The following PSMD13 variants were observed in gnomAD, a reference collection of about 807,000 sequenced individuals.
PSMD13 encodes the protein 26S proteasome non-ATPase regulatory subunit 13.
Under a neutral mutation model 57.4 loss-of-function variants are expected in PSMD13, and 8 were observed. That is an observed-to-expected ratio of 0.14 (90% CI 0.08 to 0.25). The LOEUF is 0.25. Ranked by LOEUF, PSMD13 falls within the 10% of genes least tolerant of loss-of-function variation. The probability of loss-of-function intolerance (pLI) is 1.00; values close to 1 mark genes in which losing one functional copy is unlikely to be tolerated. For missense variants in PSMD13, 400 were observed against 461.5 expected (o/e 0.87, Z 1.22); for synonymous variants, 193 against 168.2 (o/e 1.15, Z -1.14).
chr11:250,038 A>G (rs1161847244), intron 9 of PSMD13, among the ~76,000 whole-genome samples: 1 of 121,108 alleles, frequency 8.3e-6, no homozygotes, highest in African/African-American at 3.4e-5. Flanking sequence ...CAATTTAAAG[A>G]AAAAAAAAAA....
At chr11:244,112 A>G (rs1859581133) in intron 3 of PSMD13, 37 bp downstream of exon 3, 1 of 1,606,184 alleles carries the variant, frequency 6.2e-7, no homozygotes, top group African/African-American at 1.3e-5. Context: ...TTTGAAAATG[A>G]GTGCATTGAT....
rs184069669 is a variant in PSMD13 at position 245,385 on chromosome 11, G to A, written c.396+624G>A. On this transcript the variant is annotated intron_variant, in intron 6 of 12. Transcript: ENST00000532097. ...TCCCCTGTGTGACCACAGCACATCC[G>A]TCTAATAATGACTCCACATGGCCTC... Among the ~76,000 whole-genome samples, 521 of 152,240 alleles carry A rather than the reference G, an allele frequency of 3.4e-3. 4 individuals carry two copies. The highest frequency in any genetic ancestry group is 7.1e-3 in the South Asian group (34 of 4,822).
chr11:251,169 A>AT lies in PSMD13; in HGVS notation c.837+305dup. On this transcript the variant is annotated intron_variant, in intron 10 of 12. Transcript: ENST00000532097. This position sits in a 1 kb window ranked among gnomAD's most constrained non-coding sequence, Gnocchi z 4.6. ...CGTGATGCAGTTGTTGCCTCATTGC[A>AT]TGTCGCTTCTTGTGTACACGCACAT... The AT allele has an allele frequency of 2.2e-6, 1 of 462,296 alleles. No individual in the cohort carries two copies. Among genetic ancestry groups the AT allele is most frequent in the East Asian group, 3.9e-5 (1 of 25,740 alleles). The allele number at this position is 462,296 out of a possible 1,614,324, so 28.6% of individuals were successfully genotyped here. A position where few individuals can be genotyped will look rare whatever the true frequency, so the allele number is the denominator to read the frequency against.
chr11:243,488 C>T (rs1590248252), intron 2 of PSMD13: 2 of 309,134 alleles, frequency 6.5e-6, no homozygotes, highest in Non-Finnish European at 1.3e-5. Flanking sequence ...TAAACCTGAA[C>T]ATAGATCTTG....
chr11:252,032 A>C lies in PSMD13; in HGVS notation c.1035+96A>C. 1 of 1,157,436 alleles carries C rather than the reference A, an allele frequency of 8.6e-7. No homozygotes were observed. The highest frequency in any genetic ancestry group is 1.3e-6 in the Non-Finnish European group (1 of 795,600). 71.7% of individuals were successfully genotyped at this position (1,157,436 alleles called of 1,614,324 possible). A position where few individuals can be genotyped will look rare whatever the true frequency, so the allele number is the denominator to read the frequency against. ...ATTTGGATGGAAGCCATTTGGGAAG[A>C]CAGCATTATTAGACAAGAGGTTTTG... On this transcript the variant is annotated intron_variant, in intron 12 of 12. Transcript: ENST00000532097. The surrounding 1 kb of genome is among the most constrained non-coding windows in gnomAD (Gnocchi z 4.1).
At position 252,298 on chromosome 11, in the gene PSMD13, T is replaced by G; in HGVS notation, c.1036-207T>G. ...TTTCCTCTGTCCTTGTCTGCTTTCT[T>G]TCATGCAAGTTTTTTCTAACGTTCC... is the stretch of plus-strand genomic sequence containing the variant. On this transcript the variant is annotated intron_variant, in intron 12 of 12. Transcript: ENST00000532097. This position sits in a 1 kb window ranked among gnomAD's most constrained non-coding sequence, Gnocchi z 4.1. The G allele has an allele frequency of 1.8e-6, 1 of 560,152 alleles. No individual in the cohort carries two copies. The highest frequency in any genetic ancestry group is 3.2e-6 in the Non-Finnish European group (1 of 312,068). 34.7% of individuals were successfully genotyped at this position (560,152 alleles called of 1,614,324 possible).
chr11:249,861 T>A (rs189976144), intron 9 of PSMD13, among the ~76,000 whole-genome samples: 1 of 152,148 alleles, frequency 6.6e-6, no homozygotes, highest in African/African-American at 2.4e-5. Flanking sequence ...ATTTTCTCAG[T>A]TTAAAATAAA....
chr11:244,105 G>A (rs1202224142), intron 3 of PSMD13, 30 bp downstream of exon 3: 1 of 1,606,256 alleles, frequency 6.2e-7, no homozygotes. Context: ...TTTTCACTTT[G>A]AAAATGAGTG....
intron 1 of PSMD13, among the ~76,000 whole-genome samples, chr11:238,057 G>A (rs1488890462): frequency 6.6e-6 from 1 of 152,220 alleles, no homozygotes; most frequent in Non-Finnish European, 1.5e-5. Flanking sequence ...ATAGCACTTG[G>A]TAATTTTCAA....
In PSMD13 at chr11:252,247, A is replaced by G; in HGVS notation, c.1036-258A>G. 1.9e-6 allele frequency: 1 copy of G among 520,154 alleles called. No homozygotes were observed. The highest frequency in any genetic ancestry group is 3.5e-6 in the Non-Finnish European group (1 of 288,100). The allele number at this position is 520,154 out of a possible 1,614,324, so 32.2% of individuals were successfully genotyped here. A position where few individuals can be genotyped will look rare whatever the true frequency, so the allele number is the denominator to read the frequency against. On this transcript the variant is annotated intron_variant, in intron 12 of 12. Transcript: ENST00000532097. The surrounding 1 kb of genome is among the most constrained non-coding windows in gnomAD (Gnocchi z 4.1). ...TGATTTGAGCTCACGTCGCTCTTAC[A>G]TTTGCTGGAAATGCGATCCTGTGGA...
chr11:239,818 T>C (rs751776514), intron 2 of PSMD13, among the ~76,000 whole-genome samples: 1 of 152,138 alleles, frequency 6.6e-6, no homozygotes, highest in Non-Finnish European at 1.5e-5. Context: ...CTATGATGGC[T>C]TTCTCTGATT....
intron 7 of PSMD13, 116 bp downstream of exon 7, chr11:247,564 G>T: frequency 8.5e-7 from 1 of 1,179,350 alleles, no homozygotes; most frequent in South Asian, 1.6e-5. Flanking sequence ...GGGCACGGTG[G>T]CTCACGCCTG....
intron 1 of PSMD13, among the ~76,000 whole-genome samples, chr11:238,760 C>G (rs1341263241): frequency 6.6e-6 from 1 of 152,108 alleles, no homozygotes; most frequent in Admixed American, 6.5e-5. Flanking sequence ...ATATACTTAC[C>G]CGTTCAGTAT....
chr11:248,171 T>C (rs1254562349), intron 7 of PSMD13: 1 of 151,346 alleles, frequency 6.6e-6, no homozygotes, highest in Non-Finnish European at 1.5e-5. Flanking sequence ...AATTATTAAA[T>C]CTTTCAAGGA....
chr11:249,620 G>A (rs572477513), intron 9 of PSMD13, among the ~76,000 whole-genome samples: 1 of 72,290 alleles, frequency 1.4e-5, no homozygotes, highest in Non-Finnish European at 3.0e-5. Context: ...GGTGCGGGGA[G>A]AGGGAGAGGT....
rs1590255723 is a variant in PSMD13 at position 252,237 on chromosome 11, T to C, written c.1036-268T>C. On this transcript the variant is annotated intron_variant, in intron 12 of 12. Transcript: ENST00000532097. This position sits in a 1 kb window ranked among gnomAD's most constrained non-coding sequence, Gnocchi z 4.1. Reference sequence around the variant, plus strand: ...CCTGGTTCTGTGATTTGAGCTCACGTCGCTCTTACATTTGCTGGAAATGCG... The same window carrying C: ...CCTGGTTCTGTGATTTGAGCTCACGCCGCTCTTACATTTGCTGGAAATGCG... 3.1e-5 allele frequency: 16 copies of C among 515,464 alleles called. No individual in the cohort carries two copies. In the East Asian group the frequency reaches 5.2e-4, roughly 17 times the overall value. The allele number at this position is 515,464 out of a possible 1,614,324, so 31.9% of individuals were successfully genotyped here. A position where few individuals can be genotyped will look rare whatever the true frequency, so the allele number is the denominator to read the frequency against.
intron 1 of PSMD13, among the ~76,000 whole-genome samples, chr11:237,352 G>A (rs980877316): frequency 3.3e-5 from 5 of 152,236 alleles, no homozygotes; most frequent in Non-Finnish European, 5.9e-5. Flanking sequence ...GACAGACCAC[G>A]AGGGCCAAGA....
chr11:251,916 C>T lies in PSMD13; in HGVS notation c.1015C>T (p.Arg339Ter). The T allele has an allele frequency of 6.2e-7, 1 of 1,613,802 alleles. No homozygotes were observed. Among genetic ancestry groups the T allele is most frequent in the Non-Finnish European group, 8.5e-7 (1 of 1,179,724 alleles). Residue 339 changes from arginine (R) to a stop codon, truncating the protein, a stop_gained, in exon 12 of 13, where the codon CGA (arginine) becomes TGA (stop). Coordinates refer to ENST00000532097, the MANE Select transcript of PSMD13 (RefSeq NM_002817.4). LOFTEE classifies it high-confidence loss of function. The surrounding 1 kb of genome is among the most constrained non-coding windows in gnomAD (Gnocchi z 4.6). ...KRVHMTWVQPRVLDLQQIKGM... is the reference protein window; with the variant it reads ...KRVHMTWVQP ...AGTCCACATGACCTGGGTGCAGCCC[C>T]GAGTGTTGGATTTGCAACAGGTGAT...
At chr11:248,677 A>G (rs1342568576) in intron 7 of PSMD13, 99 bp from the exon 8 acceptor site, 16 of 1,185,918 alleles carry the variant, frequency 1.3e-5, no homozygotes, top group Non-Finnish European at 3.7e-6. Context: ...CAACCATTAC[A>G]AACAATGTTT....
Sources: gnomAD v4.1 joint callset for allele counts (sites outside exome capture counted in the v4.1 genomes callset) on GRCh38, gnomAD v4.1.1 for gene constraint, Gnocchi (gnomAD v3.1) non-coding constraint, MANE v1.5 for transcripts, NCBI Gene and HGNC (gene_info 2026-07-23, HGNC 2026-07-21) for gene names.